Variants in AEBP2 observed in about 807,000 individuals in gnomAD.
AEBP2 encodes zinc finger protein AEBP2.
Under a neutral mutation model 50.8 loss-of-function variants are expected in AEBP2, and 10 were observed. The observed-to-expected ratio is 0.20, with a 90% CI of 0.12 to 0.33. AEBP2 has a LOEUF of 0.33. Ranked by LOEUF, AEBP2 falls within the 10% of genes least tolerant of loss-of-function variation. The pLI is 1.00. For missense variants in AEBP2, 570 were observed against 688.0 expected (o/e 0.83, Z 1.92); for synonymous variants, 296 against 261.3 (o/e 1.13, Z -1.28).
intron 1 of AEBP2, among the ~76,000 whole-genome samples, chr12:19,451,015 CTTGT>C (rs1948158893): frequency 6.6e-6 from 1 of 151,620 alleles, no homozygotes; most frequent in African/African-American, 2.4e-5. Flanking sequence ...CTGTTTTGCA[CTTGT>C]TTGACTATGG....
chr12:19,463,979 A>G (rs975995601), intron 2 of AEBP2, among the ~76,000 whole-genome samples: 1 of 152,138 alleles, frequency 6.6e-6, no homozygotes, highest in African/African-American at 2.4e-5. Context: ...ATTTCTTTTA[A>G]GACATATTCA....
At chr12:19,435,939 G>T (rs891777735), upstream of AEBP2, among the ~76,000 whole-genome samples, 1 of 152,026 alleles carries the variant, frequency 6.6e-6, no homozygotes, top group African/African-American at 2.4e-5. Context: ...AGAGGTGTTC[G>T]AACCACAGCG....
upstream of AEBP2, among the ~76,000 whole-genome samples, chr12:19,436,238 C>T (rs1258905675): frequency 6.6e-6 from 1 of 152,172 alleles, no homozygotes; most frequent in African/African-American, 2.4e-5. Flanking sequence ...TTTACAAATG[C>T]CATGCCAATG....
chr12:19,436,899 C>T (rs1239464028), upstream of AEBP2, among the ~76,000 whole-genome samples: 2 of 152,048 alleles, frequency 1.3e-5, no homozygotes, highest in Non-Finnish European at 2.9e-5. Flanking sequence ...TGCACCTGGC[C>T]CCCATGCTGA....
chr12:19,491,461 T>TAC (rs1460276393), intron 3 of AEBP2, among the ~76,000 whole-genome samples: 5 of 152,210 alleles, frequency 3.3e-5, no homozygotes, highest in African/African-American at 1.2e-4. Flanking sequence ...TTGCGGAACA[T>TAC]ATAGAAGCTC....
At chr12:19,447,282 C>A (rs150221781) in intron 1 of AEBP2, among the ~76,000 whole-genome samples, 2 of 152,290 alleles carry the variant, frequency 1.3e-5, no homozygotes, top group African/African-American at 4.8e-5. Flanking sequence ...TCAAGTCTTA[C>A]GTTGAACAGG....
upstream of AEBP2, among the ~76,000 whole-genome samples, chr12:19,436,453 C>T (rs1471113589): frequency 6.6e-6 from 1 of 152,156 alleles, no homozygotes; most frequent in Non-Finnish European, 1.5e-5. Context: ...TCTTAATAAA[C>T]TTGCTTTCAC....
At position 19,412,426 on chromosome 12, in the gene AEBP2, C is replaced by T. The variant is rs901374048; in HGVS notation, c.-17+8210C>T. Among the ~76,000 whole-genome samples, 10 of 151,870 alleles carry T rather than the reference C, an allele frequency of 6.6e-5. No individual in the cohort carries two copies. The South Asian group carries it at 1.3e-3, about 19-fold the overall frequency. ...CCGAGTAGCTGGGACTATAGGCACACGCCACCACACCTAGCGAATTTTTTT... is the reference window on the plus strand; with the variant it reads ...CCGAGTAGCTGGGACTATAGGCACATGCCACCACACCTAGCGAATTTTTTT... On this transcript the variant is annotated intron_variant, in intron 1 of 3. Coordinates refer to the AEBP2 transcript ENST00000538425.
chr12:19,450,967 GAA>G (rs1948157954), intron 1 of AEBP2, among the ~76,000 whole-genome samples: 1 of 138,100 alleles, frequency 7.2e-6, no homozygotes, highest in African/African-American at 2.8e-5. Flanking sequence ...TTTCTCCTTT[GAA>G]TATATAGTAG....
chr12:19,432,773 G>A (rs1199916855), intron 1 of AEBP2, among the ~76,000 whole-genome samples: 1 of 152,100 alleles, frequency 6.6e-6, no homozygotes, highest in Non-Finnish European at 1.5e-5. Context: ...GCAGAGCAGA[G>A]GAAGGGGTCC....
Position 19,497,328 on chromosome 12 carries a change from GTTTTTTT to G in AEBP2, c.1175-2751_1175-2745del, listed in dbSNP as rs34011915. On this transcript the variant is annotated intron_variant, in intron 4 of 7. Coordinates refer to ENST00000266508, the MANE Select transcript of AEBP2 (RefSeq NM_153207.5). ...TTCTATTTTTGTGGTTTCCAAAGGT[GTTTTTTT>G]TTTTTTTTTTTTTTTTTGAGACAGA... Among the ~76,000 whole-genome samples, 13 of 78,718 alleles carry G rather than the reference GTTTTTTT, an allele frequency of 1.7e-4. 1 individual carries two copies. Among genetic ancestry groups the G allele is most frequent in the South Asian group, 5.7e-4 (1 of 1,764 alleles). 51.6% of individuals were successfully genotyped at this position (78,718 alleles called of 152,430 possible).
At chr12:19,445,878 T>C (rs1422039174) in intron 1 of AEBP2, 2 of 151,566 alleles carry the variant, frequency 1.3e-5, no homozygotes, top group Non-Finnish European at 2.9e-5. Flanking sequence ...CAGCTAGTTA[T>C]AAAAAAATAT....
intron 1 of AEBP2, among the ~76,000 whole-genome samples, chr12:19,424,897 T>C (rs2095747751): frequency 6.6e-6 from 1 of 152,018 alleles, no homozygotes; most frequent in Admixed American, 6.6e-5. Flanking sequence ...TAGGCCCAGC[T>C]ACTCAGGAGG....
chr12:19,427,606 A>G (rs1370178744), intron 1 of AEBP2, among the ~76,000 whole-genome samples: 1 of 151,188 alleles, frequency 6.6e-6, no homozygotes, highest in South Asian at 2.1e-4. Context: ...GCGAATTTCC[A>G]TAATAAGTAA....
intron 1 of AEBP2, among the ~76,000 whole-genome samples, chr12:19,420,618 G>A (rs1172297626): frequency 6.6e-6 from 1 of 152,020 alleles, no homozygotes; most frequent in Admixed American, 6.6e-5. Context: ...GAGCCACTGC[G>A]CCCGGCCAAT....
At chr12:19,493,577 C>G (rs758796365) in intron 3 of AEBP2, among the ~76,000 whole-genome samples, 2 of 152,052 alleles carry the variant, frequency 1.3e-5, no homozygotes, top group Non-Finnish European at 2.9e-5. Flanking sequence ...ACTGGGAGGT[C>G]GTGAAACTTG....
chr12:19,498,833 C>G (rs888342172), intron 4 of AEBP2, among the ~76,000 whole-genome samples: 1 of 151,964 alleles, frequency 6.6e-6, no homozygotes, highest in South Asian at 2.1e-4. Flanking sequence ...ACTGCCTACT[C>G]TATATTTGTG....
At chr12:19,497,455 T>A (rs1949003829) in intron 4 of AEBP2, among the ~76,000 whole-genome samples, 1 of 149,032 alleles carries the variant, frequency 6.7e-6, no homozygotes, top group South Asian at 2.1e-4. Context: ...TCTTTCAACC[T>A]TTTTGCTTTG....
chr12:19,440,870 CA>C, intron 1 of AEBP2: 6 of 1,040,226 alleles, frequency 5.8e-6, no homozygotes, highest in Admixed American at 2.5e-5. Flanking sequence ...TCTACTTAAA[CA>C]AAAAAAGGAC....
Sources: gnomAD v4.1 joint callset for allele counts (sites outside exome capture counted in the v4.1 genomes callset) on GRCh38, gnomAD v4.1.1 for gene constraint, MANE v1.5 for transcripts, NCBI Gene and HGNC (gene_info 2026-07-23, HGNC 2026-07-21) for gene names.